CCSER1: variants seen among roughly 807,000 people sequenced by gnomAD.
CCSER1 encodes coiled-coil serine rich protein 1.
A neutral mutation model predicts 82.0 loss-of-function variants in CCSER1; 41 were observed. That is an observed-to-expected ratio of 0.50 (90% CI 0.39 to 0.65). The LOEUF (loss-of-function observed/expected upper bound fraction) is 0.65, where lower values mean the gene tolerates loss of function less well. CCSER1 is among the 30% of genes least tolerant of loss of function. CCSER1 has a pLI of 0.00. For synonymous variants in CCSER1, 414 were observed against 383.9 expected (o/e 1.08, Z -0.92); for missense variants, 1,119 against 1,064.2 (o/e 1.05, Z -0.72).
At chr4:90,362,646 C>T (rs1745567879) in intron 3 of CCSER1, among the ~76,000 whole-genome samples, 1 of 152,106 alleles carries the variant, frequency 6.6e-6, no homozygotes, top group African/African-American at 2.4e-5. Context: ...ATATTTCTTT[C>T]CTTTTCCGCT....
rs190067449 is a variant in CCSER1 at position 90,747,654 on chromosome 4, T to A, written c.2010+23663T>A. Among the ~76,000 whole-genome samples, 407 of 152,254 alleles carry A rather than the reference T, an allele frequency of 2.7e-3. 4 individuals are homozygous for A. The highest frequency in any genetic ancestry group is 9.3e-3 in the African/African-American group (388 of 41,570). Reference sequence around the variant, plus strand: ...TAATTTTCTTTTTTTTTTCTTTTTTTAAATTTTATTATTATACTTTAAGTT... The same window carrying A: ...TAATTTTCTTTTTTTTTTCTTTTTTAAAATTTTATTATTATACTTTAAGTT... On this transcript the variant is annotated intron_variant, in intron 7 of 10. Coordinates refer to ENST00000509176, the MANE Select transcript of CCSER1 (RefSeq NM_001145065.2).
chr4:90,366,984 T>A (rs1355878882), intron 3 of CCSER1, among the ~76,000 whole-genome samples: 1 of 151,806 alleles, frequency 6.6e-6, no homozygotes, highest in African/African-American at 2.4e-5. Context: ...GTCTCTAAAA[T>A]GAAGCATATA....
At chr4:90,174,909 G>T (rs1023801226) in intron 1 of CCSER1, among the ~76,000 whole-genome samples, 4 of 152,014 alleles carry the variant, frequency 2.6e-5, no homozygotes, top group Non-Finnish European at 5.9e-5. Context: ...TGGTGGGAAT[G>T]TAAAATGGTG....
At chr4:90,814,354 G>C (rs927461563) in intron 7 of CCSER1, among the ~76,000 whole-genome samples, 1 of 152,180 alleles carries the variant, frequency 6.6e-6, no homozygotes, top group Non-Finnish European at 1.5e-5. Context: ...AGGCTGCAGT[G>C]AAGATCTCTG....
intron 10 of CCSER1, among the ~76,000 whole-genome samples, chr4:91,367,911 T>G (rs377151583): frequency 1.3e-5 from 2 of 152,198 alleles, no homozygotes; most frequent in South Asian, 4.1e-4. Flanking sequence ...GCAAGTTTAT[T>G]ATACTTTCAG....
At chr4:91,417,864 T>A (rs533238340) in intron 10 of CCSER1, among the ~76,000 whole-genome samples, 4 of 151,654 alleles carry the variant, frequency 2.6e-5, no homozygotes, top group Admixed American at 6.6e-5. Flanking sequence ...TTGAAGAGAA[T>A]TTAAAAAATA....
At chr4:91,256,477 C>G (rs944329101) in intron 10 of CCSER1, among the ~76,000 whole-genome samples, 9 of 152,178 alleles carry the variant, frequency 5.9e-5, no homozygotes, top group Non-Finnish European at 1.2e-4. Context: ...ACTCCCTCCC[C>G]TTTGAAAATC....
intron 8 of CCSER1, among the ~76,000 whole-genome samples, chr4:90,862,194 TA>T (rs1200335788): frequency 6.6e-6 from 1 of 151,850 alleles, no homozygotes; most frequent in East Asian, 1.9e-4. Context: ...GTTATTTATT[TA>T]AAAAAACTCA....
At chr4:90,478,738 T>A (rs530476702) in intron 5 of CCSER1, among the ~76,000 whole-genome samples, 5 of 151,400 alleles carry the variant, frequency 3.3e-5, no homozygotes, top group Admixed American at 6.6e-5. Context: ...TTTCTTTTTT[T>A]TTTTTTTTTT....
At chr4:91,542,004 CTGTT>C (rs1761624570) in intron 10 of CCSER1, among the ~76,000 whole-genome samples, 1 of 152,052 alleles carries the variant, frequency 6.6e-6, no homozygotes, top group Non-Finnish European at 1.5e-5. Flanking sequence ...TTTCATGTGT[CTGTT>C]GGCTGCATAA....
intron 9 of CCSER1, among the ~76,000 whole-genome samples, chr4:91,076,045 C>T (rs1721961437): frequency 6.6e-6 from 1 of 152,156 alleles, no homozygotes; most frequent in African/African-American, 2.4e-5. Flanking sequence ...GGCTTGGCAT[C>T]TCCCAGATCA....
chr4:90,301,968 A>G (rs1345350862), intron 1 of CCSER1, among the ~76,000 whole-genome samples: 4 of 152,114 alleles, frequency 2.6e-5, no homozygotes, highest in African/African-American at 9.7e-5. Flanking sequence ...TCAACTGTTT[A>G]TTAGCAAATT....
At chr4:90,504,165 A>C (rs1220072021) in intron 5 of CCSER1, among the ~76,000 whole-genome samples, 2 of 152,088 alleles carry the variant, frequency 1.3e-5, no homozygotes, top group African/African-American at 4.8e-5. Context: ...ATAAGATCAT[A>C]TCTTCTTTGG....
At chr4:90,220,075 T>C (rs1327469848) in intron 1 of CCSER1, among the ~76,000 whole-genome samples, 4 of 152,172 alleles carry the variant, frequency 2.6e-5, no homozygotes, top group Admixed American at 2.0e-4. Flanking sequence ...ATAAGATGCC[T>C]TGAGAGAAAA....
At chr4:90,319,880 A>G (rs1736823298) in intron 3 of CCSER1, among the ~76,000 whole-genome samples, 1 of 152,232 alleles carries the variant, frequency 6.6e-6, no homozygotes, top group South Asian at 2.1e-4. Flanking sequence ...AAATGGAGCC[A>G]TATGAATCAT....
chr4:91,464,172 A>G (rs146028940), intron 10 of CCSER1, among the ~76,000 whole-genome samples: 7,268 of 151,066 alleles, frequency 0.048, 615 homozygotes, highest in African/African-American at 0.17. Context: ...GAAACTCTAC[A>G]AGCCAGAAGA....
At chr4:91,261,747 A>G (rs1292033770) in intron 10 of CCSER1, among the ~76,000 whole-genome samples, 1 of 152,194 alleles carries the variant, frequency 6.6e-6, no homozygotes, top group Non-Finnish European at 1.5e-5. Flanking sequence ...ACAGTGAACC[A>G]GATAAAAGGA....
chr4:90,613,931 G>A (rs1720722710), intron 5 of CCSER1, among the ~76,000 whole-genome samples: 1 of 152,146 alleles, frequency 6.6e-6, no homozygotes, highest in Non-Finnish European at 1.5e-5. Flanking sequence ...AGATACTCAG[G>A]TTTAAATACT....
intron 8 of CCSER1, among the ~76,000 whole-genome samples, chr4:90,858,729 T>C (rs1764734966): frequency 6.6e-6 from 1 of 151,934 alleles, no homozygotes; most frequent in Non-Finnish European, 1.5e-5. Context: ...TACCATAATA[T>C]AATTTAGAAG....
Sources: gnomAD v4.1 joint callset for allele counts (sites outside exome capture counted in the v4.1 genomes callset) on GRCh38, gnomAD v4.1.1 for gene constraint, MANE v1.5 for transcripts, NCBI Gene and HGNC (gene_info 2026-07-23, HGNC 2026-07-21) for gene names.